ARHGAP22: variants seen among roughly 807,000 people sequenced by gnomAD.
ARHGAP22 encodes the protein rho GTPase-activating protein 22.
A neutral mutation model predicts 59.1 loss-of-function variants in ARHGAP22; 48 were observed. The observed-to-expected ratio is 0.81, with a 90% CI of 0.64 to 1.03. The LOEUF (loss-of-function observed/expected upper bound fraction) is 1.03, where lower values mean the gene tolerates loss of function less well. ARHGAP22 is among the 50% of genes least tolerant of loss of function. ARHGAP22 has a pLI of 0.00. For synonymous variants in ARHGAP22, 445 were observed against 416.4 expected (o/e 1.07, Z -0.84); for missense variants, 1,015 against 958.7 (o/e 1.06, Z -0.78).
chr10:48,483,617 A>G (rs2049556823), intron 3 of ARHGAP22, among the ~76,000 whole-genome samples: 2 of 151,880 alleles, frequency 1.3e-5, no homozygotes, highest in Admixed American at 6.6e-5. Context: ...GGGTAAGATG[A>G]TATCTCATTG....
At chr10:48,504,840 C>T (rs945198790) in intron 3 of ARHGAP22, among the ~76,000 whole-genome samples, 5 of 151,840 alleles carry the variant, frequency 3.3e-5, no homozygotes, top group Admixed American at 1.3e-4. Context: ...TGAGACTCAG[C>T]AGAACTTGCT....
intron 1 of ARHGAP22, among the ~76,000 whole-genome samples, chr10:48,588,440 A>G (rs2059558151): frequency 6.6e-6 from 1 of 152,188 alleles, no homozygotes; most frequent in Admixed American, 6.5e-5. Context: ...TTTATTAATA[A>G]CTGCTGTTCC....
chr10:48,523,689 C>T (rs1161919908), intron 3 of ARHGAP22, among the ~76,000 whole-genome samples: 1 of 151,998 alleles, frequency 6.6e-6, no homozygotes, highest in Non-Finnish European at 1.5e-5. Context: ...GGTCTGGGCG[C>T]CGGGGGTTCC....
At chr10:48,437,173 C>T in the ARHGAP22 span, 3 of 152,218 alleles carry the variant, frequency 2.0e-5, no homozygotes, top group African/African-American at 4.8e-5. Flanking sequence ...AACAAACTCT[C>T]ATTACTTAGT....
At chr10:48,452,386 C>G (rs1021200236) in intron 8 of ARHGAP22, among the ~76,000 whole-genome samples, 1 of 152,210 alleles carries the variant, frequency 6.6e-6, no homozygotes, top group Non-Finnish European at 1.5e-5. Context: ...AGCAGGAACT[C>G]CATGAAGCAG....
chr10:48,431,399 G>A, the ARHGAP22 span: 1 of 647,490 alleles, frequency 1.5e-6, no homozygotes. Context: ...TAAGTATAAG[G>A]AAATACAGTT....
chr10:48,526,497 G>T (rs1164187022), intron 3 of ARHGAP22, among the ~76,000 whole-genome samples: 1 of 152,220 alleles, frequency 6.6e-6, no homozygotes, highest in African/African-American at 2.4e-5. Context: ...ACTTCTGGTT[G>T]CTGCCAAGTC....
At chr10:48,573,263 C>T (rs540429791) in intron 2 of ARHGAP22, among the ~76,000 whole-genome samples, 2 of 152,246 alleles carry the variant, frequency 1.3e-5, no homozygotes, top group Non-Finnish European at 2.9e-5. Context: ...CATGGTTTAC[C>T]GCATGAGTTT....
intron 3 of ARHGAP22, chr10:48,524,136 C>A: frequency 7.9e-7 from 1 of 1,271,404 alleles, no homozygotes; most frequent in Non-Finnish European, 9.9e-7. Context: ...CGCTCGGCTC[C>A]TCTCCCCGCC....
intron 1 of ARHGAP22, among the ~76,000 whole-genome samples, chr10:48,586,709 A>G (rs1269464004): frequency 6.6e-6 from 1 of 152,242 alleles, no homozygotes; most frequent in East Asian, 1.9e-4. Context: ...ATAAAATGGC[A>G]CGTAGTTATT....
At chr10:48,580,933 TAA>T (rs3076348) in intron 2 of ARHGAP22, among the ~76,000 whole-genome samples, 51,458 of 147,710 alleles carry the variant, frequency 0.35, 9,110 homozygotes, top group Middle Eastern at 0.49. Context: ...CAATCTAAAG[TAA>T]AAAAAAAAAA....
At chr10:48,586,382 T>A (rs1190363058) in intron 1 of ARHGAP22, among the ~76,000 whole-genome samples, 1 of 152,174 alleles carries the variant, frequency 6.6e-6, no homozygotes, top group African/African-American at 2.4e-5. Context: ...GGAGACAGCA[T>A]AACTGCAGAG....
At chr10:48,631,838 A>T (rs937208437) in intron 1 of ARHGAP22, among the ~76,000 whole-genome samples, 82 of 151,690 alleles carry the variant, frequency 5.4e-4, no homozygotes, top group African/African-American at 1.9e-3. Context: ...CTCTTTCTTT[A>T]TGTAGATCTG....
At chr10:48,635,923 C>A (rs917958669) in intron 1 of ARHGAP22, among the ~76,000 whole-genome samples, 1 of 152,222 alleles carries the variant, frequency 6.6e-6, no homozygotes, top group Non-Finnish European at 1.5e-5. Flanking sequence ...TAATATCTTG[C>A]AAGCTGGCTA....
intron 3 of ARHGAP22, among the ~76,000 whole-genome samples, chr10:48,486,992 T>C (rs1334917431): frequency 1.3e-5 from 2 of 152,250 alleles, no homozygotes; most frequent in African/African-American, 2.4e-5. Flanking sequence ...ACTGTTTCAC[T>C]AGTTATGGGT....
At chr10:48,528,225 C>A (rs1014327596) in intron 3 of ARHGAP22, among the ~76,000 whole-genome samples, 2 of 152,150 alleles carry the variant, frequency 1.3e-5, no homozygotes, top group African/African-American at 4.8e-5. Context: ...AGTTCCAATG[C>A]AGGAGTCTGG....
intron 1 of ARHGAP22, among the ~76,000 whole-genome samples, chr10:48,594,338 TG>T (rs2059939755): frequency 6.6e-6 from 1 of 152,198 alleles, no homozygotes; most frequent in African/African-American, 2.4e-5. Flanking sequence ...GTGAGCTGCT[TG>T]GGTGAGCCTG....
intron 3 of ARHGAP22, among the ~76,000 whole-genome samples, chr10:48,522,165 C>A (rs1023702014): frequency 1.3e-5 from 2 of 152,242 alleles, no homozygotes; most frequent in African/African-American, 2.4e-5. Context: ...TCTCTCCTCC[C>A]TGCCAGACAG....
intron 2 of ARHGAP22, among the ~76,000 whole-genome samples, chr10:48,575,810 C>A (rs930001600): frequency 6.6e-6 from 1 of 152,210 alleles, no homozygotes; most frequent in African/African-American, 2.4e-5. Context: ...ATGTTCCCTC[C>A]CCTGCTTCTT....
Sources: gnomAD v4.1 joint callset for allele counts (sites outside exome capture counted in the v4.1 genomes callset) on GRCh38, gnomAD v4.1.1 for gene constraint, MANE v1.5 for transcripts, NCBI Gene and HGNC (gene_info 2026-07-23, HGNC 2026-07-21) for gene names.